Variants in KDM4C observed in about 807,000 individuals in gnomAD.
The protein encoded by KDM4C is lysine-specific demethylase 4C.
Under a neutral mutation model 129.3 loss-of-function variants are expected in KDM4C, and 81 were observed. The observed-to-expected ratio is 0.63, with a 90% CI of 0.52 to 0.75. KDM4C has a LOEUF of 0.75. Among genes scored for constraint, KDM4C ranks in the 30% least tolerant of loss-of-function variants. The pLI, the probability that KDM4C is intolerant of heterozygous loss-of-function variation, is 0.00. For synonymous variants in KDM4C, 573 were observed against 456.1 expected (o/e 1.26, Z -3.26); for missense variants, 1,457 against 1,304.0 (o/e 1.12, Z -1.81).
At chr9:7,070,911 G>C (rs1419577235) in intron 17 of KDM4C, among the ~76,000 whole-genome samples, 1 of 152,076 alleles carries the variant, frequency 6.6e-6, no homozygotes, top group African/African-American at 2.4e-5. Flanking sequence ...AGGAGGACAT[G>C]ATTATTTCCA....
At chr9:6,720,905 T>C in exon 1 of KDM4C, 1 of 1,528,872 alleles carries the variant, frequency 6.5e-7, no homozygotes, top group Non-Finnish European at 8.9e-7. Context: ...TGTTGAATAG[T>C]TGGAGTGTTC....
At chr9:7,045,098 T>C (rs12551096) in intron 15 of KDM4C, among the ~76,000 whole-genome samples, 7,662 of 151,952 alleles carry the variant, frequency 0.05, 211 homozygotes, top group South Asian at 0.088. Context: ...CCATTTAAAA[T>C]CTTGAGCCTA....
At chr9:7,096,873 A>C (rs1159958761) in intron 17 of KDM4C, among the ~76,000 whole-genome samples, 1 of 152,032 alleles carries the variant, frequency 6.6e-6, no homozygotes, top group Non-Finnish European at 1.5e-5. Context: ...TCCACCTAAA[A>C]ATTAGCTGCT....
chr9:6,781,618 T>G (rs1480688927), intron 1 of KDM4C, among the ~76,000 whole-genome samples: 2 of 152,052 alleles, frequency 1.3e-5, no homozygotes, highest in African/African-American at 4.8e-5. Context: ...CAACAGACAG[T>G]GTAAAAGTGC....
intron 15 of KDM4C, among the ~76,000 whole-genome samples, chr9:7,016,669 A>T (rs1008273900): frequency 2.0e-5 from 3 of 148,952 alleles, no homozygotes; most frequent in Non-Finnish European, 4.5e-5. Context: ...CATTTGATCC[A>T]CCTGCCTCGG....
chr9:6,835,071 T>C, intron 4 of KDM4C: 1 of 969,838 alleles, frequency 1.0e-6, no homozygotes, highest in Admixed American at 1.7e-5. Context: ...CTGAGTGGGA[T>C]ATCGTGCGTG....
chr9:7,132,575 T>C (rs1023756709), intron 19 of KDM4C, among the ~76,000 whole-genome samples: 7 of 152,194 alleles, frequency 4.6e-5, no homozygotes, highest in Admixed American at 1.3e-4. Context: ...ATAAAAGGTG[T>C]ATTATTACAC....
chr9:6,731,684 C>G (rs1165382568), intron 1 of KDM4C, among the ~76,000 whole-genome samples: 3 of 152,076 alleles, frequency 2.0e-5, no homozygotes, highest in Non-Finnish European at 4.4e-5. Context: ...CGCATGAGCT[C>G]AGTTCAAAAC....
rs1211901693 is a variant in KDM4C, at chr9:7,011,857, C to T, written c.1946C>T (p.Thr649Ile). 1 of 1,613,698 alleles carries T rather than the reference C, an allele frequency of 6.2e-7. No individual in the cohort carries two copies. Among genetic ancestry groups the T allele is most frequent in the East Asian group, 2.2e-5 (1 of 44,886 alleles). Reference protein sequence around the residue: ...ARMKPHCAICTLLMPYHKPDS... With the variant: ...ARMKPHCAICILLMPYHKPDS... ...ATGAAGCCACACTGTGCCATCTGCA[C>T]TCTGCTCATGCCGTACCACAAGGTA... The change falls in exon 13 of 22, where the codon ACT becomes ATT. Residue 649 changes from threonine (T) to isoleucine (I), a missense_variant. Physicochemically the swap from Thr to Ile is moderately conservative, Grantham distance 89. Coordinates refer to ENST00000381309, the MANE Select transcript of KDM4C (RefSeq NM_015061.6).
At chr9:6,742,063 C>G (rs1283593736) in intron 1 of KDM4C, among the ~76,000 whole-genome samples, 1 of 151,892 alleles carries the variant, frequency 6.6e-6, no homozygotes, top group South Asian at 2.1e-4. Context: ...ACCTCCACCT[C>G]CCGGGTTCAA....
chr9:6,803,022 G>T (rs773544707), intron 2 of KDM4C, among the ~76,000 whole-genome samples: 1 of 152,210 alleles, frequency 6.6e-6, no homozygotes, highest in Non-Finnish European at 1.5e-5. Context: ...GTATAGGTAT[G>T]CATATAGAAG....
intron 1 of KDM4C, among the ~76,000 whole-genome samples, chr9:6,741,202 C>A (rs572571478): frequency 9.9e-5 from 15 of 151,950 alleles, no homozygotes; most frequent in African/African-American, 3.6e-4. Context: ...ATGGGAGCAT[C>A]CTGGCCAACA....
At chr9:6,876,643 C>G (rs1234314068) in intron 5 of KDM4C, among the ~76,000 whole-genome samples, 1 of 152,092 alleles carries the variant, frequency 6.6e-6, no homozygotes, top group Non-Finnish European at 1.5e-5. Context: ...GCTGCAGTTG[C>G]CCATCAAAGT....
intron 12 of KDM4C, among the ~76,000 whole-genome samples, chr9:7,010,441 T>TA (rs1254904335): frequency 6.6e-6 from 1 of 152,244 alleles, no homozygotes; most frequent in African/African-American, 2.4e-5. Context: ...AGTGCAAATC[T>TA]AATTTGACTT....
At chr9:6,983,612 A>G (rs1817161411) in intron 9 of KDM4C, among the ~76,000 whole-genome samples, 1 of 144,086 alleles carries the variant, frequency 6.9e-6, no homozygotes, top group South Asian at 2.3e-4. Flanking sequence ...ACACACACAC[A>G]CCAGTTAGCC....
At chr9:6,722,511 C>CTA (rs1232634072) in intron 1 of KDM4C, among the ~76,000 whole-genome samples, 3 of 137,704 alleles carry the variant, frequency 2.2e-5, no homozygotes, top group Admixed American at 7.3e-5. Flanking sequence ...AACCCTATGT[C>CTA]TATATATTTT....
At chr9:6,896,318 T>A (rs1272175230) in intron 8 of KDM4C, among the ~76,000 whole-genome samples, 1 of 152,150 alleles carries the variant, frequency 6.6e-6, no homozygotes, top group African/African-American at 2.4e-5. Context: ...GCATTGGTGG[T>A]GATGCCACCT....
Position 7,011,765 on chromosome 9 carries a change from C to T in KDM4C, c.1854C>T (p.Ile618=), listed in dbSNP as rs902873978. 3 of 1,614,136 alleles carry T rather than the reference C, an allele frequency of 1.9e-6. No homozygotes were observed. The highest frequency in any genetic ancestry group is 2.5e-6 in the Non-Finnish European group (3 of 1,179,986). Residue 618 remains isoleucine (I), a synonymous_variant, in exon 13 of 22, where the codon ATC becomes ATT. Transcript: ENST00000381309. ...CAGAGTCTTGGGCGAAACCTCTCAT[C>T]CACCTTTGGCAGACGAAGTCCCCTA... is the stretch of plus-strand genomic sequence containing the variant. ...EETESWAKPL[I]HLWQTKSPNF...
At chr9:7,135,659 G>T (rs1334748609) in intron 19 of KDM4C, among the ~76,000 whole-genome samples, 1 of 152,198 alleles carries the variant, frequency 6.6e-6, no homozygotes, top group East Asian at 1.9e-4. Flanking sequence ...TGTAAACACA[G>T]ATGTAGGAGG....
Sources: allele counts gnomAD v4.1 joint callset (sites outside exome capture counted in the v4.1 genomes callset), GRCh38; gene constraint gnomAD v4.1.1; transcripts MANE v1.5; gene names NCBI Gene and HGNC (gene_info 2026-07-23, HGNC 2026-07-21).